COL4A2: variants seen among roughly 807,000 people sequenced by gnomAD.
COL4A2 encodes the protein collagen type IV alpha 2 chain, also known as collagen alpha-2(IV) chain.
COL4A2 carries 99 observed loss-of-function variants against 200.2 expected under a neutral mutation model. The ratio of observed to expected loss-of-function variants is 0.49; its 90% CI spans 0.42 to 0.58. COL4A2 has a LOEUF of 0.58. Ranked by LOEUF, COL4A2 falls within the 20% of genes least tolerant of loss-of-function variation. The probability of loss-of-function intolerance (pLI) is 0.00; values close to 1 mark genes in which losing one functional copy is unlikely to be tolerated. For missense variants in COL4A2, 1,950 were observed against 2,314.1 expected (o/e 0.84, Z 3.23); for synonymous variants, 897 against 900.6 (o/e 1.00, Z 0.07).
rs201762977 is a variant in COL4A2 at position 110,491,282 on chromosome 13, C to T, written c.3396C>T (p.Phe1132=). 512 of 1,601,148 alleles carry T rather than the reference C, an allele frequency of 3.2e-4. 2 individuals carry two copies. Among genetic ancestry groups the T allele is most frequent in the African/African-American group, 3.1e-3 (232 of 74,706 alleles). Residue 1132 remains phenylalanine (F), a synonymous_variant, in exon 37 of 48, where the codon TTC becomes TTT. Transcript: ENST00000360467. Reference sequence around the variant, plus strand: ...AGGGAACAGAAGGTGACATCGGCTTCCCTGGGATAACAGGCGTGACTGGAG... The same window carrying T: ...AGGGAACAGAAGGTGACATCGGCTTTCCTGGGATAACAGGCGTGACTGGAG... The part of the protein sequence containing the change: ...GEKGTEGDIG[F]PGITGVTGVQ...
At chr13:110,340,650 G>A (rs777536903) in intron 3 of COL4A2, among the ~76,000 whole-genome samples, 5 of 152,252 alleles carry the variant, frequency 3.3e-5, no homozygotes, top group South Asian at 2.1e-4. Flanking sequence ...GGGCAGCTGC[G>A]GAAGAAAGGA....
intron 4 of COL4A2, among the ~76,000 whole-genome samples, chr13:110,376,259 C>G (rs77257791): frequency 0.011 from 1,730 of 152,244 alleles, 32 homozygotes; most frequent in African/African-American, 0.038. Flanking sequence ...GAAATAGTCT[C>G]TTATCTCCAC....
chr13:110,365,454 A>G (rs1269122820), intron 4 of COL4A2, among the ~76,000 whole-genome samples: 3 of 152,052 alleles, frequency 2.0e-5, no homozygotes. Flanking sequence ...CATTTTCTTT[A>G]ATTAGAACTA....
intron 13 of COL4A2, among the ~76,000 whole-genome samples, chr13:110,436,989 A>G (rs1030194101): frequency 6.6e-6 from 1 of 152,158 alleles, no homozygotes; most frequent in Non-Finnish European, 1.5e-5. Context: ...CCTGGAGCTG[A>G]CGAGGAGGTT....
rs532150182 is a variant in COL4A2, at chr13:110,458,639, T to A, written c.1433-132T>A. 1.1e-3 allele frequency: 1,152 copies of A among 1,026,954 alleles called. 1 individual carries two copies. Among genetic ancestry groups the A allele is most frequent in the Non-Finnish European group, 1.5e-3 (1,045 of 693,142 alleles). 63.6% of individuals were successfully genotyped at this position (1,026,954 alleles called of 1,614,324 possible). On this transcript the variant is annotated intron_variant, in intron 21 of 47. Transcript: ENST00000360467. ...CCCATCTAAGAAATGGGGGTCATAGTGCCCATCAGAACAGGCAGTGTCCAT... is the reference window on the plus strand; with the variant it reads ...CCCATCTAAGAAATGGGGGTCATAGAGCCCATCAGAACAGGCAGTGTCCAT...
intron 11 of COL4A2, among the ~76,000 whole-genome samples, chr13:110,433,602 G>A (rs1880765022): frequency 1.3e-5 from 2 of 152,236 alleles, no homozygotes; most frequent in South Asian, 4.1e-4. Context: ...ATTGGAGGGG[G>A]CGGACGGTAG....
intron 3 of COL4A2, among the ~76,000 whole-genome samples, chr13:110,309,020 G>C (rs1884897874): frequency 6.6e-6 from 1 of 152,182 alleles, no homozygotes; most frequent in Admixed American, 6.5e-5. Context: ...CCGGGGCCCA[G>C]GTGGATTCCT....
intron 7 of COL4A2, chr13:110,428,908 A>G (rs1880572235): frequency 4.1e-6 from 1 of 243,454 alleles, no homozygotes; most frequent in Admixed American, 5.6e-5. Flanking sequence ...TCTGTCCATC[A>G]CCATCTTTAT....
At chr13:110,510,646 TTGTG>T (rs71722431) in intron 47 of COL4A2, among the ~76,000 whole-genome samples, 3 of 152,014 alleles carry the variant, frequency 2.0e-5, no homozygotes, top group African/African-American at 7.2e-5. Flanking sequence ...ATGCGTGCAT[TTGTG>T]TGTGTGCATG....
intron 4 of COL4A2, among the ~76,000 whole-genome samples, chr13:110,380,234 G>A (rs1354523384): frequency 6.6e-6 from 1 of 152,192 alleles, no homozygotes; most frequent in East Asian, 1.9e-4. Context: ...GGGTCTTGAA[G>A]GAAGTCTTCT....
intron 29 of COL4A2, chr13:110,473,394 T>C (rs982717475): frequency 2.1e-6 from 1 of 476,882 alleles, no homozygotes; most frequent in Non-Finnish European, 3.7e-6. Flanking sequence ...GATTCACTGA[T>C]GTAATCTGTT....
chr13:110,358,203 ATTTT>A (rs924784893), intron 4 of COL4A2, among the ~76,000 whole-genome samples: 1 of 151,762 alleles, frequency 6.6e-6, no homozygotes. Context: ...TATTAAAAAA[ATTTT>A]TTTTTACTTT....
intron 18 of COL4A2, among the ~76,000 whole-genome samples, chr13:110,447,837 C>T (rs9559800): frequency 0.43 from 65,419 of 151,966 alleles, 14,338 homozygotes; most frequent in South Asian, 0.49. Flanking sequence ...TTGAACTCAG[C>T]AGGTCACCTG....
At position 110,308,066 on chromosome 13, in the gene COL4A2, C is replaced by T; in HGVS notation, c.45-3C>T. ...CGTCTCTCTTCCTCCCTTTCCCATG[C>T]AGGTGGCTGCTGCTGGGGACAGTGA... On this transcript the variant is annotated splice_region_variant and splice_polypyrimidine_tract_variant and intron_variant, in intron 2 of 47. Coordinates refer to ENST00000360467, the MANE Select transcript of COL4A2 (RefSeq NM_001846.4). 6.2e-7 allele frequency: 1 copy of T among 1,613,788 alleles called. No individual in the cohort carries two copies. The highest frequency in any genetic ancestry group is 1.3e-5 in the African/African-American group (1 of 75,068).
At chr13:110,333,156 G>C (rs1594151939) in intron 3 of COL4A2, among the ~76,000 whole-genome samples, 1 of 152,134 alleles carries the variant, frequency 6.6e-6, no homozygotes. Flanking sequence ...CCCCTCCAGG[G>C]GTGTAGTGAC....
At chr13:110,400,244 A>C (rs1392620213) in intron 4 of COL4A2, among the ~76,000 whole-genome samples, 1 of 152,240 alleles carries the variant, frequency 6.6e-6, no homozygotes, top group Non-Finnish European at 1.5e-5. Flanking sequence ...TGGTCTTCAG[A>C]TACCTACTAC....
intron 4 of COL4A2, among the ~76,000 whole-genome samples, chr13:110,381,945 C>T (rs1878509757): frequency 6.6e-6 from 1 of 152,132 alleles, no homozygotes; most frequent in African/African-American, 2.4e-5. Context: ...AAGCTTGATG[C>T]TATGCCTTGA....
intron 3 of COL4A2, among the ~76,000 whole-genome samples, chr13:110,308,517 A>T (rs1319928450): frequency 2.0e-5 from 3 of 152,066 alleles, no homozygotes; most frequent in Admixed American, 6.6e-5. Context: ...GCTGGTGGGG[A>T]GTCTCTGTCA....
intron 20 of COL4A2, among the ~76,000 whole-genome samples, chr13:110,454,070 C>T (rs909917522): frequency 1.7e-4 from 26 of 152,174 alleles, no homozygotes; most frequent in African/African-American, 6.3e-4. Flanking sequence ...ACCACGAAGA[C>T]AGTTTTCTTT....
Sources: gnomAD v4.1 joint callset for allele counts (sites outside exome capture counted in the v4.1 genomes callset) on GRCh38, gnomAD v4.1.1 for gene constraint, MANE v1.5 for transcripts, NCBI Gene and HGNC (gene_info 2026-07-23, HGNC 2026-07-21) for gene names.